ZNF438: variants seen among roughly 807,000 people sequenced by gnomAD.
ZNF438 encodes zinc finger protein 438.
ZNF438 carries 25 observed loss-of-function variants against 38.0 expected under a neutral mutation model. The observed-to-expected ratio is 0.66, with a 90% CI of 0.48 to 0.92. ZNF438 has a LOEUF of 0.92. Among genes scored for constraint, ZNF438 ranks in the 40% least tolerant of loss-of-function variants. The probability of loss-of-function intolerance (pLI) is 0.00; values close to 1 mark genes in which losing one functional copy is unlikely to be tolerated. For synonymous variants in ZNF438, 372 were observed against 364.1 expected (o/e 1.02, Z -0.25); for missense variants, 1,007 against 999.6 (o/e 1.01, Z -0.10).
At chr10:30,918,367 T>C (rs561051273) in intron 2 of ZNF438, among the ~76,000 whole-genome samples, 40 of 152,272 alleles carry the variant, frequency 2.6e-4, no homozygotes, top group African/African-American at 9.4e-4. Context: ...TTGAGGGAAA[T>C]GTCATTTAAT....
chr10:30,902,762 C>T (rs2042161939), intron 3 of ZNF438, among the ~76,000 whole-genome samples: 1 of 152,222 alleles, frequency 6.6e-6, no homozygotes, highest in South Asian at 2.1e-4. Context: ...AGTGGATCTC[C>T]CACCGGGCCG....
At chr10:30,930,520 G>C (rs533274479) in intron 2 of ZNF438, among the ~76,000 whole-genome samples, 4 of 152,052 alleles carry the variant, frequency 2.6e-5, no homozygotes, top group Non-Finnish European at 5.9e-5. Context: ...GGCTCCTCAA[G>C]CGTGGCCAGA....
chr10:31,030,324 T>G (rs777483048), intron 1 of ZNF438, among the ~76,000 whole-genome samples: 5 of 152,236 alleles, frequency 3.3e-5, no homozygotes, highest in African/African-American at 4.8e-5. Context: ...ATGCACGTAT[T>G]GTTCGTTGTC....
intron 1 of ZNF438, among the ~76,000 whole-genome samples, chr10:30,974,519 A>C (rs1193975688): frequency 6.6e-6 from 1 of 152,162 alleles, no homozygotes; most frequent in Non-Finnish European, 1.5e-5. Flanking sequence ...CATTCCTCTG[A>C]GTCACTCTAG....
chr10:30,931,775 G>C (rs1015437947), intron 2 of ZNF438, among the ~76,000 whole-genome samples: 6 of 152,168 alleles, frequency 3.9e-5, no homozygotes, highest in Admixed American at 6.5e-5. Flanking sequence ...CTCTCAGATT[G>C]TTAATAAAGA....
intron 4 of ZNF438, among the ~76,000 whole-genome samples, chr10:30,861,349 T>C (rs530129712): frequency 2.0e-5 from 3 of 152,244 alleles, no homozygotes; most frequent in African/African-American, 7.2e-5. Context: ...ATAGATGCAG[T>C]TCGAAATTTT....
intron 4 of ZNF438, among the ~76,000 whole-genome samples, chr10:30,867,069 C>T (rs1358742326): frequency 6.6e-6 from 1 of 152,112 alleles, no homozygotes; most frequent in Non-Finnish European, 1.5e-5. Context: ...TACAATTAAA[C>T]TGAAAGAAGT....
chr10:30,855,544 A>G (rs1027236918), intron 4 of ZNF438, among the ~76,000 whole-genome samples: 3 of 152,230 alleles, frequency 2.0e-5, no homozygotes, highest in African/African-American at 7.2e-5. Flanking sequence ...ATTTCTCAGA[A>G]TCATTATGGA....
At chr10:30,892,825 A>G (rs564700099) in intron 3 of ZNF438, among the ~76,000 whole-genome samples, 1 of 152,288 alleles carries the variant, frequency 6.6e-6, no homozygotes, top group South Asian at 2.1e-4. Context: ...TTCACTTAAT[A>G]TATTTTTGAG....
At chr10:30,903,599 G>A (rs2042277104) in intron 3 of ZNF438, among the ~76,000 whole-genome samples, 1 of 152,156 alleles carries the variant, frequency 6.6e-6, no homozygotes, top group Non-Finnish European at 1.5e-5. Context: ...CAGCACTGGG[G>A]GAGGATCAGC....
intron 3 of ZNF438, among the ~76,000 whole-genome samples, chr10:30,883,177 A>G (rs2039495041): frequency 6.6e-6 from 1 of 152,228 alleles, no homozygotes; most frequent in Non-Finnish European, 1.5e-5. Context: ...CTAAAATAAT[A>G]CTACTTTTTT....
At chr10:30,882,595 A>G (rs1319902420) in intron 3 of ZNF438, among the ~76,000 whole-genome samples, 1 of 152,238 alleles carries the variant, frequency 6.6e-6, no homozygotes, top group East Asian at 1.9e-4. Flanking sequence ...TTAAAGAGCA[A>G]TACTCTATGA....
At chr10:30,995,531 A>G (rs543163741) in intron 1 of ZNF438, among the ~76,000 whole-genome samples, 1 of 152,340 alleles carries the variant, frequency 6.6e-6, no homozygotes, top group African/African-American at 2.4e-5. Context: ...AAAAGCAAGT[A>G]ACACCAAACA....
chr10:31,020,723 C>T (rs376831016), intron 1 of ZNF438, among the ~76,000 whole-genome samples: 1 of 128,460 alleles, frequency 7.8e-6, no homozygotes, highest in Non-Finnish European at 1.7e-5. Flanking sequence ...TTTTAGTAAA[C>T]AACAGCTCTG....
chr10:31,006,718 GA>G (rs2055160571), intron 1 of ZNF438, among the ~76,000 whole-genome samples: 1 of 134,450 alleles, frequency 7.4e-6, no homozygotes. Context: ...TGTCAGCATT[GA>G]ATTGAAGGCA....
At chr10:30,867,349 G>A (rs951938070) in intron 4 of ZNF438, among the ~76,000 whole-genome samples, 8 of 152,128 alleles carry the variant, frequency 5.3e-5, no homozygotes, top group Non-Finnish European at 1.2e-4. Context: ...AAATATTTAG[G>A]TTGGTGCAAA....
chr10:30,990,008 T>C (rs2053303335), intron 1 of ZNF438, among the ~76,000 whole-genome samples: 1 of 152,216 alleles, frequency 6.6e-6, no homozygotes, highest in Non-Finnish European at 1.5e-5. Context: ...ACTCAGGAGC[T>C]AAGTTTAAGA....
chr10:30,979,066 T>A (rs971183007), intron 1 of ZNF438, among the ~76,000 whole-genome samples: 1 of 152,250 alleles, frequency 6.6e-6, no homozygotes, highest in Non-Finnish European at 1.5e-5. Flanking sequence ...GATGACAGCA[T>A]GTCTGTTTAC....
At chr10:30,994,496 C>A (rs1222896616) in intron 1 of ZNF438, among the ~76,000 whole-genome samples, 1 of 152,206 alleles carries the variant, frequency 6.6e-6, no homozygotes, top group Non-Finnish European at 1.5e-5. Context: ...TTTGTTCTCA[C>A]TCATGTGCCC....
Sources: allele counts gnomAD v4.1 joint callset (sites outside exome capture counted in the v4.1 genomes callset), GRCh38; gene constraint gnomAD v4.1.1; transcripts MANE v1.5; gene names NCBI Gene and HGNC (gene_info 2026-07-23, HGNC 2026-07-21).